Variants in ILKAP observed in about 807,000 individuals in gnomAD.
The protein encoded by ILKAP is ILK associated serine/threonine phosphatase.
A neutral mutation model predicts 49.1 loss-of-function variants in ILKAP; 11 were observed. That is an observed-to-expected ratio of 0.22 (90% CI 0.14 to 0.37). The LOEUF is 0.37. Among genes scored for constraint, ILKAP ranks in the 10% least tolerant of loss-of-function variants. The pLI is 1.00. For missense variants in ILKAP, 363 were observed against 510.8 expected, an observed-to-expected ratio of 0.71 and a Z score of 2.79; for synonymous variants, 186 against 192.8, an observed-to-expected ratio of 0.96 and a Z score of 0.29.
intron 6 of ILKAP, 76 bp from the exon 7 acceptor site, chr2:238,184,189 GT>G: frequency 1.1e-6 from 1 of 884,686 alleles, no homozygotes; most frequent in Non-Finnish European, 1.9e-6. Flanking sequence ...ATTTTGGTTT[GT>G]TTTTTGTTTT....
chr2:238,202,192 T>C (rs1694598512), intron 1 of ILKAP, among the ~76,000 whole-genome samples: 1 of 152,240 alleles, frequency 6.6e-6, no homozygotes, highest in Non-Finnish European at 1.5e-5. Context: ...CACTCCAGCC[T>C]GGGCGACAAG....
chr2:238,173,467 A>T (rs1310106857), intron 10 of ILKAP, 67 bp downstream of exon 10: 1 of 1,579,594 alleles, frequency 6.3e-7, no homozygotes, highest in African/African-American at 1.4e-5. Context: ...CTTGATAGAA[A>T]CTGGAAGTGA....
In ILKAP at chr2:238,183,543, A is replaced by C. The variant is rs115399182; in HGVS notation, c.714+110T>G. ...AACACTCTGCAGCAACCCCAGAAGA[A>C]AGGTTTCAACCAGACACCATCACTT... is the stretch of plus-strand genomic sequence containing the variant. On this transcript the variant is annotated intron_variant, in intron 8 of 11. Coordinates refer to ENST00000254654, the MANE Select transcript of ILKAP (RefSeq NM_030768.3). 2.3e-3 allele frequency: 1,770 copies of C among 781,270 alleles called. 13 individuals carry two copies. In the African/African-American group the frequency reaches 0.026, roughly 12 times the overall value. The allele number at this position is 781,270 out of a possible 1,614,324, so 48.4% of individuals were successfully genotyped here. A position where few individuals can be genotyped will look rare whatever the true frequency, so the allele number is the denominator to read the frequency against.
intron 5 of ILKAP, chr2:238,185,989 GACA>G (rs886759809): frequency 7.9e-5 from 12 of 152,110 alleles, no homozygotes; most frequent in African/African-American, 2.9e-4. Flanking sequence ...ATTTTTCACT[GACA>G]ACAAAACTAA....
In ILKAP at chr2:238,170,839, A is replaced by T. The variant is rs756396416; in HGVS notation, c.1038+104T>A. On this transcript the variant is annotated intron_variant, in intron 11 of 11. Coordinates refer to ENST00000254654, the MANE Select transcript of ILKAP (RefSeq NM_030768.3). The stretch of plus-strand genomic sequence containing the variant: ...CAGAGTTCACACTGAAAAAGGGCAC[A>T]AGGGCTGTCCCACAATGGGAGGAAA... The T allele has an allele frequency of 9.7e-6, 14 of 1,444,520 alleles. No individual in the cohort carries two copies. The East Asian group carries it at 3.0e-4, about 30-fold the overall frequency. The allele number at this position is 1,444,520 out of a possible 1,614,324, so 89.5% of individuals were successfully genotyped here.
chr2:238,182,009 C>T (rs1693715231), intron 9 of ILKAP, 56 bp downstream of exon 9: 2 of 1,600,070 alleles, frequency 1.2e-6, no homozygotes, highest in East Asian at 4.5e-5. Context: ...GGTCTCGGGA[C>T]CCTTCTACAG....
chr2:238,170,660 G>A lies in ILKAP; in HGVS notation c.1055C>T (p.Thr352Ile), dbSNP rs750957488. Residue 352 changes from threonine to isoleucine, a missense_variant, in exon 12 of 12, where the codon ACC (threonine) becomes ATC (isoleucine). By Grantham distance (89) the Thr-to-Ile change is moderately conservative. Transcript: ENST00000254654. ...LSCLEDEKIQ[T>I]REGKSAADAR... is the part of the protein sequence containing the mutation. Reference sequence around the variant, plus strand: ...GTCGGCTGCGGACTTCCCTTCCCGGGTCTGGATCTTTTCATCCTACCAGAT... The same window carrying A: ...GTCGGCTGCGGACTTCCCTTCCCGGATCTGGATCTTTTCATCCTACCAGAT... 1 of 1,597,494 alleles carries A rather than the reference G, an allele frequency of 6.3e-7. No homozygotes were observed. Among genetic ancestry groups the A allele is most frequent in the South Asian group, 1.1e-5 (1 of 90,428 alleles).
rs1316284332 is a variant in ILKAP, at chr2:238,203,624, CCGGGCGGGCGGCAGCAG to C, written c.-88_-72del. The C allele has an allele frequency of 3.1e-6, 3 of 978,818 alleles. No homozygotes were observed. The highest frequency in any genetic ancestry group is 4.6e-5 in the East Asian group (1 of 21,660). 60.6% of individuals were successfully genotyped at this position (978,818 alleles called of 1,614,324 possible). Reference sequence around the variant, plus strand: ...GCGAGCAGCGGCCGGGCTCCACACCCCGGGCGGGCGGCAGCAGCGGGCGGGCGACGGGCAGGGGCGGC... The same window carrying C: ...GCGAGCAGCGGCCGGGCTCCACACCCCGGGCGGGCGACGGGCAGGGGCGGC... On this transcript the variant is annotated 5_prime_UTR_variant, in exon 1 of 12. Coordinates refer to ENST00000254654, the MANE Select transcript of ILKAP (RefSeq NM_030768.3).
Position 238,170,954 on chromosome 2 carries a change from A to T in ILKAP, c.1027T>A (p.Ser343Thr). The T allele has an allele frequency of 6.2e-7, 1 of 1,613,862 alleles. No individual in the cohort carries two copies. The highest frequency in any genetic ancestry group is 2.2e-5 in the East Asian group (1 of 44,884). ...GTGAGATTTCTCACCTCGAGACAGGACAAGATGAAGTTCACGGCTTCTTCT... is the reference window on the plus strand; with the variant it reads ...GTGAGATTTCTCACCTCGAGACAGGTCAAGATGAAGTTCACGGCTTCTTCT... ...TPEEAVNFIL[S>T]CLEDEKIQTR... The change falls in exon 11 of 12, where the codon TCC becomes ACC. Residue 343 changes from serine to threonine, a missense_variant. This residue lies in a region of ILKAP where 83 missense variants were observed against 87.5 expected (regional missense o/e 0.95). Coordinates refer to ENST00000254654, the MANE Select transcript of ILKAP (RefSeq NM_030768.3).
chr2:238,175,865 G>T (rs572568521), intron 9 of ILKAP, among the ~76,000 whole-genome samples: 1 of 151,984 alleles, frequency 6.6e-6, no homozygotes, highest in Non-Finnish European at 1.5e-5. Context: ...GCGCATTATA[G>T]CTTCAAGCTC....
At chr2:238,193,374 C>T (rs1488032035) in intron 3 of ILKAP, among the ~76,000 whole-genome samples, 1 of 152,176 alleles carries the variant, frequency 6.6e-6, no homozygotes, top group African/African-American at 2.4e-5. Flanking sequence ...GCACATGCCA[C>T]CATGCCTGGC....
chr2:238,191,901 T>A (rs1694140578), intron 3 of ILKAP, among the ~76,000 whole-genome samples: 2 of 135,754 alleles, frequency 1.5e-5, no homozygotes, highest in African/African-American at 5.6e-5. Flanking sequence ...CAAGGCTCCA[T>A]CTCAAAAAAA....
intron 1 of ILKAP, among the ~76,000 whole-genome samples, chr2:238,196,865 G>A (rs1694365264): frequency 6.6e-6 from 1 of 152,166 alleles, no homozygotes; most frequent in South Asian, 2.1e-4. Context: ...GTGACATAAA[G>A]ACTCTATTAG....
chr2:238,172,680 G>A (rs148889581), intron 10 of ILKAP, among the ~76,000 whole-genome samples: 180 of 152,290 alleles, frequency 1.2e-3, no homozygotes, highest in African/African-American at 4.0e-3. Flanking sequence ...CCAAGCAGGC[G>A]AGTGCCAAAG....
At chr2:238,195,725 C>A (rs1193054980) in intron 1 of ILKAP, among the ~76,000 whole-genome samples, 1 of 152,144 alleles carries the variant, frequency 6.6e-6, no homozygotes, top group Non-Finnish European at 1.5e-5. Context: ...CCACCTCTTG[C>A]TCCTCAGAGT....
At chr2:238,179,812 C>T (rs758768351) in intron 9 of ILKAP, among the ~76,000 whole-genome samples, 7 of 151,964 alleles carry the variant, frequency 4.6e-5, no homozygotes, top group Non-Finnish European at 1.0e-4. Flanking sequence ...GAAATAACAC[C>T]GTAAAAAAAT....
At chr2:238,181,676 G>A (rs1325135214) in intron 9 of ILKAP, among the ~76,000 whole-genome samples, 7 of 149,550 alleles carry the variant, frequency 4.7e-5, no homozygotes, top group Non-Finnish European at 1.0e-4. Context: ...AGGCTGGAGT[G>A]CAGTGGTGCG....
chr2:238,190,620 G>A (rs149162489), intron 3 of ILKAP, among the ~76,000 whole-genome samples: 7 of 152,188 alleles, frequency 4.6e-5, no homozygotes, highest in Admixed American at 4.6e-4. Flanking sequence ...TCATCTCAGA[G>A]GGATGTTTGA....
chr2:238,197,614 G>A (rs990733528), intron 1 of ILKAP, among the ~76,000 whole-genome samples: 2 of 152,174 alleles, frequency 1.3e-5, no homozygotes, highest in Non-Finnish European at 2.9e-5. Context: ...GCAACTTACA[G>A]CTTAGTATTA....
Sources: gnomAD v4.1 joint callset for allele counts (sites outside exome capture counted in the v4.1 genomes callset) on GRCh38, gnomAD v4.1.1 for gene constraint, gnomAD v4.1.1 regional missense constraint, MANE v1.5 for transcripts, NCBI Gene and HGNC (gene_info 2026-07-23, HGNC 2026-07-21) for gene names.